AR: variants seen among roughly 807,000 people sequenced by gnomAD.
The protein encoded by AR is dihydrotestosterone receptor.
A neutral mutation model predicts 53.9 loss-of-function variants in AR; 8 were observed. The observed-to-expected ratio is 0.15, with a 90% CI of 0.09 to 0.27. The LOEUF (loss-of-function observed/expected upper bound fraction) is 0.27. Ranked by LOEUF, AR falls within the 10% of genes least tolerant of loss-of-function variation. AR has a pLI of 1.00. For missense variants in AR, 639 were observed against 742.5 expected, an observed-to-expected ratio of 0.86 and a Z score of 1.62; for synonymous variants, 359 against 316.4, an observed-to-expected ratio of 1.13 and a Z score of -1.43.
At chrX:67,618,858 G>A (rs1351975969) in intron 1 of AR, among the ~76,000 whole-genome samples, 1 of 111,403 alleles carries the variant, frequency 9.0e-6, no homozygotes, top group African/African-American at 3.3e-5. Context: ...AGCAAGGTTA[G>A]ATTAGTGAAT....
At chrX:67,661,509 A>C (rs1167325523) in intron 2 of AR, among the ~76,000 whole-genome samples, 1 of 111,680 alleles carries the variant, frequency 9.0e-6, no homozygotes, top group African/African-American at 3.3e-5. Context: ...TATATGCTGG[A>C]TTATGTTTAT....
chrX:67,559,820 T>G (rs1921217838), intron 1 of AR, among the ~76,000 whole-genome samples: 1 of 111,706 alleles, frequency 9.0e-6, no homozygotes, highest in African/African-American at 3.3e-5. Flanking sequence ...GGTGTTTGGG[T>G]GCAGAAAGGA....
chrX:67,594,141 G>C (rs1288534402), intron 1 of AR, among the ~76,000 whole-genome samples: 2 of 111,662 alleles, frequency 1.8e-5, no homozygotes, highest in Non-Finnish European at 3.8e-5. Flanking sequence ...CCACAAGTGG[G>C]CACCACACTC....
chrX:67,596,359 CTTTG>C (rs1433294160), intron 1 of AR, among the ~76,000 whole-genome samples: 1 of 109,445 alleles, frequency 9.1e-6, no homozygotes, highest in Non-Finnish European at 1.9e-5. Flanking sequence ...CACTTCTTTT[CTTTG>C]TTTATGTATC....
In AR at chrX:67,555,193, T is replaced by A. The variant is rs750219317; in HGVS notation, c.1616+8431T>A. On this transcript the variant is annotated intron_variant, in intron 1 of 7. Coordinates refer to ENST00000374690, the MANE Select transcript of AR (RefSeq NM_000044.6). Reference sequence around the variant, plus strand: ...TGGATTTCTTAAAATGTAGATATTTTAAAAAAAAAGAGGAATGAATCAATA... The same window carrying A: ...TGGATTTCTTAAAATGTAGATATTTAAAAAAAAAAGAGGAATGAATCAATA... 5.4e-4 allele frequency among the ~76,000 whole-genome samples: 60 copies of A among 110,199 alleles called. No homozygotes were observed. The East Asian group carries it at 1.0e-2, about 18-fold the overall frequency.
chrX:67,706,382 G>T (rs767268312), intron 3 of AR, among the ~76,000 whole-genome samples: 1 of 111,937 alleles, frequency 8.9e-6, no homozygotes, highest in East Asian at 2.8e-4. Context: ...TTGGGAGGGT[G>T]TATGTGTCGA....
chrX:67,683,561 G>T (rs746431612), intron 2 of AR, among the ~76,000 whole-genome samples: 9 of 112,783 alleles, frequency 8.0e-5, no homozygotes, highest in Non-Finnish European at 1.1e-4. Context: ...TAGTGAGTTA[G>T]TGATAAGGCT....
chrX:67,657,185 T>A (rs1926633687), intron 2 of AR, among the ~76,000 whole-genome samples: 1 of 111,366 alleles, frequency 9.0e-6, no homozygotes, highest in South Asian at 3.8e-4. Flanking sequence ...GGAAGATTAG[T>A]GCTTGTTTCC....
intron 1 of AR, among the ~76,000 whole-genome samples, chrX:67,590,084 AT>A (rs1163432611): frequency 1.8e-5 from 2 of 109,114 alleles, no homozygotes; most frequent in Non-Finnish European, 3.8e-5. Flanking sequence ...TACTGGTTTT[AT>A]TTTTTTTTCA....
At chrX:67,704,037 G>A (rs1409001546) in intron 3 of AR, among the ~76,000 whole-genome samples, 2 of 111,899 alleles carry the variant, frequency 1.8e-5, no homozygotes, top group African/African-American at 6.5e-5. Flanking sequence ...TCTTAATCCA[G>A]TCTATCATTG....
In AR at chrX:67,552,670, G is replaced by A. The variant is rs750138187; in HGVS notation, c.1616+5908G>A. ...TTACAATCCCATCAGCAACCTATGG[G>A]GGTCCATTTCTTCCACATCCTTGCC... is the stretch of plus-strand genomic sequence containing the variant. On this transcript the variant is annotated intron_variant, in intron 1 of 7. Transcript: ENST00000374690. Among the ~76,000 whole-genome samples, 10 of 111,963 alleles carry A rather than the reference G, an allele frequency of 8.9e-5. No individual in the cohort carries two copies. The South Asian group carries it at 1.5e-3, about 17-fold the overall frequency.
chrX:67,585,166 G>A (rs1429016509), intron 1 of AR, among the ~76,000 whole-genome samples: 2 of 106,967 alleles, frequency 1.9e-5, no homozygotes, highest in Non-Finnish European at 3.8e-5. Flanking sequence ...TGAGACAGAA[G>A]AATTGCTTGA....
At position 67,690,007 on chromosome X, in the gene AR, C is replaced by T. The variant is rs1210158476; in HGVS notation, c.1885+3881C>T. On this transcript the variant is annotated intron_variant, in intron 3 of 7. Transcript: ENST00000374690. ...CCTCCCCAAACATGATTTATTTCTG[C>T]GTTTTGCAACTCTTGAGTTCTCAGC... is the stretch of plus-strand genomic sequence containing the variant. 3.6e-5 allele frequency among the ~76,000 whole-genome samples: 4 copies of T among 111,571 alleles called. 1 individual carries two copies. Among genetic ancestry groups the T allele is most frequent in the African/African-American group, 1.3e-4 (4 of 30,726 alleles).
chrX:67,707,239 G>A (rs968877981), intron 3 of AR, among the ~76,000 whole-genome samples: 1 of 111,626 alleles, frequency 9.0e-6, no homozygotes, highest in Non-Finnish European at 1.9e-5. Context: ...TGACAGTGGG[G>A]TGTTAAAGTC....
At chrX:67,694,655 GTCTC>G in intron 3 of AR, 4 of 1,154,174 alleles carry the variant, frequency 3.5e-6, no homozygotes, top group Non-Finnish European at 4.6e-6. Context: ...AGTCAACAAT[GTCTC>G]TCTTTCATAC....
At chrX:67,646,982 A>T (rs752857571) in intron 2 of AR, among the ~76,000 whole-genome samples, 1 of 110,692 alleles carries the variant, frequency 9.0e-6, no homozygotes, top group Non-Finnish European at 1.9e-5. Flanking sequence ...CAGGACTCAG[A>T]TTTTCTCCTT....
At chrX:67,701,030 C>G (rs113651505) in intron 3 of AR, among the ~76,000 whole-genome samples, 9,045 of 111,158 alleles carry the variant, frequency 0.081, 287 homozygotes, top group African/African-American at 0.11. Flanking sequence ...GAACAGTGTA[C>G]ATTCACAGCA....
intron 4 of AR, among the ~76,000 whole-genome samples, chrX:67,713,813 T>C (rs1047439587): frequency 4.5e-5 from 5 of 111,915 alleles, no homozygotes; most frequent in Non-Finnish European, 9.4e-5. Flanking sequence ...CATTAACAAA[T>C]CTGCAAGCCA....
intron 1 of AR, among the ~76,000 whole-genome samples, chrX:67,568,338 G>A (rs1237019570): frequency 8.9e-6 from 1 of 111,738 alleles, no homozygotes; most frequent in Non-Finnish European, 1.9e-5. Context: ...AATTCTAGAG[G>A]TCAGTTCCCT....
Sources: allele counts gnomAD v4.1 joint callset (sites outside exome capture counted in the v4.1 genomes callset), GRCh38; gene constraint gnomAD v4.1.1; transcripts MANE v1.5; gene names NCBI Gene and HGNC (gene_info 2026-07-23, HGNC 2026-07-21).